The following CNTN4 variants were observed in gnomAD, a reference collection of about 807,000 sequenced individuals.
CNTN4 encodes contactin-4.
A neutral mutation model predicts 122.5 loss-of-function variants in CNTN4; 77 were observed. The observed-to-expected ratio is 0.63, with a 90% confidence interval of 0.52 to 0.76. The LOEUF is 0.76. Among genes scored for constraint, CNTN4 ranks in the 30% least tolerant of loss-of-function variants. The pLI, the probability that CNTN4 is intolerant of heterozygous loss-of-function variation, is 0.00. For synonymous variants in CNTN4, 512 were observed against 447.0 expected, an observed-to-expected ratio of 1.15 and a Z score of -1.83; for missense variants, 1,256 against 1,259.1, an observed-to-expected ratio of 1.00 and a Z score of 0.04.
chr3:2,515,534 C>T (rs527417258), intron 3 of CNTN4, among the ~76,000 whole-genome samples: 1 of 151,872 alleles, frequency 6.6e-6, no homozygotes, highest in African/African-American at 2.4e-5. Context: ...CAAATAGATA[C>T]CCGTCCACAT....
intron 4 of CNTN4, among the ~76,000 whole-genome samples, chr3:2,617,106 A>G (rs573873907): frequency 1.3e-5 from 2 of 152,344 alleles, no homozygotes; most frequent in African/African-American, 4.8e-5. Flanking sequence ...CGTCAATGCC[A>G]AAAGCAACGG....
chr3:2,884,016 T>C (rs1214212323), intron 9 of CNTN4, among the ~76,000 whole-genome samples: 1 of 152,230 alleles, frequency 6.6e-6, no homozygotes, highest in Non-Finnish European at 1.5e-5. Flanking sequence ...TCAATCTTTA[T>C]GCCCAGCCCC....
chr3:2,932,528 G>A (rs931321983), intron 13 of CNTN4, among the ~76,000 whole-genome samples: 8 of 152,198 alleles, frequency 5.3e-5, no homozygotes, highest in African/African-American at 1.9e-4. Flanking sequence ...TCTGTTTCCA[G>A]CTTCTACAGG....
chr3:2,791,541 A>G (rs2092011128), intron 6 of CNTN4, among the ~76,000 whole-genome samples: 1 of 151,952 alleles, frequency 6.6e-6, no homozygotes, highest in African/African-American at 2.4e-5. Context: ...TCAAAAAAAA[A>G]AAAAGATTTA....
At chr3:2,170,319 C>CAA (rs1399856429) in intron 2 of CNTN4, among the ~76,000 whole-genome samples, 1 of 151,256 alleles carries the variant, frequency 6.6e-6, no homozygotes, top group Non-Finnish European at 1.5e-5. Flanking sequence ...GACTCCGTCT[C>CAA]AAAACAAAAA....
At chr3:2,635,154 T>C (rs2082609928) in intron 4 of CNTN4, among the ~76,000 whole-genome samples, 1 of 152,182 alleles carries the variant, frequency 6.6e-6, no homozygotes. Flanking sequence ...TACGCACCTG[T>C]TCAATGCCAC....
In CNTN4 at chr3:2,784,685, C is replaced by G. The variant is rs367552057; in HGVS notation, c.359-34801C>G. ...CTAGAAAAAGCAGAGTTGTGGTGGC[C>G]GACCTGGCTGGATTAAAATCCCAGC... On this transcript the variant is annotated intron_variant, in intron 6 of 24. Transcript: ENST00000418658. 5.9e-5 allele frequency among the ~76,000 whole-genome samples: 9 copies of G among 152,234 alleles called. No homozygotes were observed. The South Asian group carries it at 1.2e-3, about 21-fold the overall frequency.
chr3:2,943,624 A>ATTT (rs2094639665), intron 13 of CNTN4, among the ~76,000 whole-genome samples: 1 of 78,212 alleles, frequency 1.3e-5, no homozygotes, highest in Non-Finnish European at 2.6e-5. Context: ...ATATATATAT[A>ATTT]TATATATTTT....
chr3:2,503,281 G>T (rs907427608), intron 3 of CNTN4, among the ~76,000 whole-genome samples: 9 of 152,092 alleles, frequency 5.9e-5, no homozygotes, highest in Non-Finnish European at 1.2e-4. Context: ...TGCATAGATG[G>T]ATAGTTATAT....
In CNTN4 at chr3:2,755,281, C is replaced by A. The variant is rs1284224863; in HGVS notation, c.358+9584C>A. On this transcript the variant is annotated intron_variant, in intron 6 of 24. Coordinates refer to ENST00000418658, the MANE Select transcript of CNTN4 (RefSeq NM_175607.3). ...TAATTTGGAAAGCTGCTTAAACAGG[C>A]AAACTTTTTTTCTGAGCGATAAAAT... is the stretch of plus-strand genomic sequence containing the variant. Among the ~76,000 whole-genome samples, 2 of 152,112 alleles carry A rather than the reference C, an allele frequency of 1.3e-5. 1 individual carries two copies. Among genetic ancestry groups the A allele is most frequent in the Admixed American group, 1.3e-4 (2 of 15,268 alleles).
At chr3:2,737,211 G>C (rs182172915) in intron 5 of CNTN4, among the ~76,000 whole-genome samples, 32 of 152,248 alleles carry the variant, frequency 2.1e-4, no homozygotes, top group Admixed American at 3.9e-4. Context: ...CTCCTGAGTA[G>C]CTGGGATTAT....
chr3:2,164,023 G>A (rs960849817), intron 2 of CNTN4, among the ~76,000 whole-genome samples: 9 of 152,068 alleles, frequency 5.9e-5, no homozygotes, highest in African/African-American at 9.7e-5. Flanking sequence ...GGATTCAGGG[G>A]AAAGGGTAGG....
At chr3:2,778,605 G>T (rs2091442768) in intron 6 of CNTN4, among the ~76,000 whole-genome samples, 2 of 152,120 alleles carry the variant, frequency 1.3e-5, no homozygotes, top group South Asian at 4.1e-4. Flanking sequence ...TGCTGTTTCA[G>T]ACAGGAAATG....
At chr3:2,966,745 A>G (rs76903444) in intron 13 of CNTN4, among the ~76,000 whole-genome samples, 1,604 of 152,310 alleles carry the variant, frequency 0.011, 26 homozygotes, top group African/African-American at 0.037. Flanking sequence ...CCATAAATAT[A>G]TATGCCTATT....
chr3:2,110,680 A>G (rs747690044), intron 2 of CNTN4: 11 of 152,216 alleles, frequency 7.2e-5, no homozygotes, highest in African/African-American at 2.2e-4. Flanking sequence ...TAGTAAGAGT[A>G]AACAGATTCG....
At chr3:2,861,816 A>C (rs778775298) in intron 7 of CNTN4, among the ~76,000 whole-genome samples, 7 of 152,182 alleles carry the variant, frequency 4.6e-5, no homozygotes, top group Non-Finnish European at 8.8e-5. Flanking sequence ...TTATTTGTCA[A>C]ATGAGCATGT....
At chr3:2,991,846 G>A (rs1489868227) in intron 14 of CNTN4, among the ~76,000 whole-genome samples, 1 of 151,848 alleles carries the variant, frequency 6.6e-6, no homozygotes, top group Non-Finnish European at 1.5e-5. Context: ...ATTCAATTTT[G>A]AGATCTACAA....
chr3:2,274,856 A>C (rs2041440071), intron 2 of CNTN4, among the ~76,000 whole-genome samples: 1 of 151,042 alleles, frequency 6.6e-6, no homozygotes, highest in Non-Finnish European at 1.5e-5. Context: ...GTTAATTCCT[A>C]GAACATAATG....
At chr3:2,811,407 CAAAAA>C (rs143290005) in intron 6 of CNTN4, among the ~76,000 whole-genome samples, 1 of 124,086 alleles carries the variant, frequency 8.1e-6, no homozygotes, top group Non-Finnish European at 1.7e-5. Context: ...GACTCAGTGT[CAAAAA>C]AAAAAAAAAA....
Sources: allele counts gnomAD v4.1 joint callset (sites outside exome capture counted in the v4.1 genomes callset), GRCh38; gene constraint gnomAD v4.1.1; transcripts MANE v1.5; gene names NCBI Gene and HGNC (gene_info 2026-07-23, HGNC 2026-07-21).